The following CSNK2A2IP variants were observed in gnomAD, a reference collection of about 807,000 sequenced individuals.
CSNK2A2IP encodes the protein casein kinase 2 subunit alpha' interacting protein, also known as casein kinase II subunit alpha'-interacting protein.
chr3:88,395,827 G>A, the CSNK2A2IP span, among the ~76,000 whole-genome samples: 1 of 152,144 alleles, frequency 6.6e-6, no homozygotes, highest in South Asian at 2.1e-4. Flanking sequence ...ATTTTGTTAA[G>A]TATACTCCTG....
chr3:88,364,609 A>C, the CSNK2A2IP span, among the ~76,000 whole-genome samples: 8 of 152,122 alleles, frequency 5.3e-5, no homozygotes, highest in African/African-American at 1.9e-4. Flanking sequence ...TGTTGTCGAT[A>C]TTTAGAGATA....
chr3:88,389,023 A>G, the CSNK2A2IP span, among the ~76,000 whole-genome samples: 3 of 151,878 alleles, frequency 2.0e-5, no homozygotes, highest in East Asian at 3.9e-4. Flanking sequence ...TAAACCCCAA[A>G]CCACCCAAAA....
the CSNK2A2IP span, among the ~76,000 whole-genome samples, chr3:88,384,740 A>G: frequency 6.6e-6 from 1 of 152,144 alleles, no homozygotes; most frequent in Non-Finnish European, 1.5e-5. Flanking sequence ...GAGACATGCT[A>G]TTTTTCAGGT....
the CSNK2A2IP span, among the ~76,000 whole-genome samples, chr3:88,364,644 G>A: frequency 2.0e-5 from 3 of 152,042 alleles, no homozygotes. Flanking sequence ...CTTGTAAAAG[G>A]CTTACTGAAC....
At chr3:88,463,647 A>C in the CSNK2A2IP span, among the ~76,000 whole-genome samples, 1 of 152,154 alleles carries the variant, frequency 6.6e-6, no homozygotes, top group Non-Finnish European at 1.5e-5. Context: ...AAAAGTCAGG[A>C]AACAACAAGT....
the CSNK2A2IP span, among the ~76,000 whole-genome samples, chr3:88,356,091 A>T: frequency 6.6e-6 from 1 of 152,128 alleles, no homozygotes. Flanking sequence ...TCTTTATGTT[A>T]GGAATGTTCC....
At chr3:88,409,673 T>C in the CSNK2A2IP span, among the ~76,000 whole-genome samples, 1 of 152,088 alleles carries the variant, frequency 6.6e-6, no homozygotes, top group East Asian at 1.9e-4. Context: ...GTACTATTTG[T>C]GAGTTGGATA....
the CSNK2A2IP span, among the ~76,000 whole-genome samples, chr3:88,355,304 T>C: frequency 6.6e-6 from 1 of 151,954 alleles, no homozygotes; most frequent in Non-Finnish European, 1.5e-5. Flanking sequence ...ATGAAGAAAG[T>C]TTTTTTGTTT....
chr3:88,444,428 T>C, the CSNK2A2IP span, among the ~76,000 whole-genome samples: 1 of 152,192 alleles, frequency 6.6e-6, no homozygotes, highest in Non-Finnish European at 1.5e-5. Flanking sequence ...TGCAGAAAAC[T>C]GAAATGTTTC....
chr3:88,347,539 T>C, the CSNK2A2IP span, among the ~76,000 whole-genome samples: 1 of 152,030 alleles, frequency 6.6e-6, no homozygotes, highest in African/African-American at 2.4e-5. Context: ...GCTCTGATGA[T>C]TGTTAGCATT....
At chr3:88,451,869 G>A in the CSNK2A2IP span, among the ~76,000 whole-genome samples, 2,013 of 151,582 alleles carry the variant, frequency 0.013, 37 homozygotes, top group African/African-American at 0.047. Flanking sequence ...CTTAAGTTTG[G>A]ACTGCAAATG....
chr3:88,396,999 A>T, the CSNK2A2IP span, among the ~76,000 whole-genome samples: 2 of 152,168 alleles, frequency 1.3e-5, no homozygotes, highest in African/African-American at 4.8e-5. Context: ...GAGTTGAGGG[A>T]TGGCGTCAGT....
the CSNK2A2IP span, among the ~76,000 whole-genome samples, chr3:88,364,080 T>A: frequency 6.6e-6 from 1 of 152,188 alleles, no homozygotes; most frequent in Non-Finnish European, 1.5e-5. Flanking sequence ...CTCTCAGCTC[T>A]GTCTCTTCAA....
At chr3:88,357,436 T>C in the CSNK2A2IP span, among the ~76,000 whole-genome samples, 1 of 152,154 alleles carries the variant, frequency 6.6e-6, no homozygotes, top group South Asian at 2.1e-4. Context: ...TGGGTTCTAT[T>C]TTGTGTCTGC....
At chr3:88,403,861 T>C in the CSNK2A2IP span, among the ~76,000 whole-genome samples, 1 of 152,106 alleles carries the variant, frequency 6.6e-6, no homozygotes, top group Non-Finnish European at 1.5e-5. Flanking sequence ...AGTCAATGCT[T>C]TGGCAAAGAA....
the CSNK2A2IP span, among the ~76,000 whole-genome samples, chr3:88,432,387 A>G: frequency 2.6e-5 from 4 of 151,864 alleles, no homozygotes; most frequent in Non-Finnish European, 4.4e-5. Context: ...GAAATCTATC[A>G]TCTATCTGAA....
At chr3:88,442,336 A>C in the CSNK2A2IP span, among the ~76,000 whole-genome samples, 1 of 152,094 alleles carries the variant, frequency 6.6e-6, no homozygotes, top group Non-Finnish European at 1.5e-5. Context: ...CACTGCGCCT[A>C]GCTTGAATTT....
the CSNK2A2IP span, among the ~76,000 whole-genome samples, chr3:88,365,702 G>A: frequency 6.6e-6 from 1 of 152,092 alleles, no homozygotes; most frequent in African/African-American, 2.4e-5. Context: ...TCCTTCACCA[G>A]TGATAGAGAG....
chr3:88,437,170 T>A, the CSNK2A2IP span, among the ~76,000 whole-genome samples: 1 of 152,144 alleles, frequency 6.6e-6, no homozygotes, highest in South Asian at 2.1e-4. Context: ...CCAGTGTAGT[T>A]TTTCACACTT....
Sources: gnomAD v4.1 joint callset for allele counts (sites outside exome capture counted in the v4.1 genomes callset) on GRCh38, gnomAD v4.1.1 for gene constraint, MANE v1.5 for transcripts, NCBI Gene and HGNC (gene_info 2026-07-23, HGNC 2026-07-21) for gene names.